CSMD3: variants seen among roughly 807,000 people sequenced by gnomAD.
CSMD3 encodes CUB and sushi domain-containing protein 3.
A neutral mutation model predicts 435.2 loss-of-function variants in CSMD3; 177 were observed. That is an observed-to-expected ratio of 0.41 (90% CI 0.36 to 0.46). The LOEUF is 0.46. Among genes scored for constraint, CSMD3 ranks in the 20% least tolerant of loss-of-function variants. The pLI, the probability that CSMD3 is intolerant of heterozygous loss-of-function variation, is 0.34. For synonymous variants in CSMD3, 1,656 were observed against 1,520.5 expected, an observed-to-expected ratio of 1.09 and a Z score of -2.07; for missense variants, 4,265 against 4,504.6, an observed-to-expected ratio of 0.95 and a Z score of 1.52.
intron 5 of CSMD3, among the ~76,000 whole-genome samples, chr8:113,075,805 T>TA (rs2089311596): frequency 6.6e-6 from 1 of 151,200 alleles, no homozygotes; most frequent in African/African-American, 2.4e-5. Flanking sequence ...TGAAAAAAAA[T>TA]TTGTAAAGTA....
chr8:113,189,716 C>A (rs982782829), intron 3 of CSMD3, among the ~76,000 whole-genome samples: 1 of 151,768 alleles, frequency 6.6e-6, no homozygotes, highest in African/African-American at 2.4e-5. Flanking sequence ...GAAATGGAAT[C>A]TTGCAAGAAA....
intron 2 of CSMD3, among the ~76,000 whole-genome samples, chr8:113,302,286 T>TAATATAATATTATATATATTATATATATA (rs1563672533): frequency 2.5e-4 from 2 of 7,942 alleles, no homozygotes; most frequent in East Asian, 0.053. Flanking sequence ...AATTATAATA[T>TAATATAATATTATATATATTATATATATA]ATAATATAAT....
At chr8:112,565,856 T>C (rs1400961069) in intron 24 of CSMD3, among the ~76,000 whole-genome samples, 1 of 152,030 alleles carries the variant, frequency 6.6e-6, no homozygotes, top group African/African-American at 2.4e-5. Context: ...GCTAAAAGAA[T>C]CTGTAATTAA....
chr8:112,477,028 T>C (rs1014874158), intron 31 of CSMD3, among the ~76,000 whole-genome samples: 1 of 152,222 alleles, frequency 6.6e-6, no homozygotes, highest in East Asian at 1.9e-4. Flanking sequence ...TAAATATCTG[T>C]TGGATTATTA....
intron 3 of CSMD3, among the ~76,000 whole-genome samples, chr8:113,177,870 A>C (rs1238116188): frequency 6.6e-6 from 1 of 151,992 alleles, no homozygotes; most frequent in Non-Finnish European, 1.5e-5. Flanking sequence ...GACTATTCTA[A>C]AGTGTAGAAG....
intron 16 of CSMD3, among the ~76,000 whole-genome samples, chr8:112,676,206 C>G (rs79776203): frequency 0.025 from 3,787 of 151,942 alleles, 79 homozygotes; most frequent in East Asian, 0.074. Flanking sequence ...CATTTCAGGG[C>G]AGAGAACCAG....
In CSMD3 at chr8:112,984,248, C is replaced by A. The variant is rs1339708874; in HGVS notation, c.1031-8100G>T. Among the ~76,000 whole-genome samples, 9 of 151,648 alleles carry A rather than the reference C, an allele frequency of 5.9e-5. No homozygotes were observed. In the South Asian group the frequency reaches 1.9e-3, roughly 32 times the overall value. ...ATGTATTTCTTATGTGATTATTATGCTAATTTCCTTTACACAAATACCTTT... is the reference window on the plus strand; with the variant it reads ...ATGTATTTCTTATGTGATTATTATGATAATTTCCTTTACACAAATACCTTT... On this transcript the variant is annotated intron_variant, in intron 6 of 70. Coordinates refer to ENST00000297405, the MANE Select transcript of CSMD3 (RefSeq NM_198123.2).
At chr8:113,046,266 C>T (rs1301632272) in intron 5 of CSMD3, among the ~76,000 whole-genome samples, 1 of 149,020 alleles carries the variant, frequency 6.7e-6, no homozygotes, top group African/African-American at 2.4e-5. Context: ...GAACAACAGC[C>T]ACGGGGAAAG....
At chr8:113,049,556 A>G (rs1174293988) in intron 5 of CSMD3, among the ~76,000 whole-genome samples, 1 of 152,202 alleles carries the variant, frequency 6.6e-6, no homozygotes, top group Non-Finnish European at 1.5e-5. Flanking sequence ...TAGGAAACAT[A>G]AAATCACAGC....
intron 22 of CSMD3, among the ~76,000 whole-genome samples, chr8:112,630,576 T>A (rs927033535): frequency 2.6e-5 from 4 of 152,086 alleles, no homozygotes; most frequent in African/African-American, 9.7e-5. Flanking sequence ...TGAGGACCAA[T>A]GAGAGCTGGG....
chr8:112,512,081 C>A (rs149079999), intron 28 of CSMD3, among the ~76,000 whole-genome samples: 5 of 152,288 alleles, frequency 3.3e-5, no homozygotes, highest in South Asian at 4.1e-4. Context: ...GTCTTAAACA[C>A]CCCCTCATCA....
chr8:113,142,292 CA>C (rs2091567584), intron 4 of CSMD3, among the ~76,000 whole-genome samples: 1 of 151,068 alleles, frequency 6.6e-6, no homozygotes. Flanking sequence ...TATGAAAAGA[CA>C]CAGGGACTAC....
chr8:112,593,285 G>A (rs11996233), intron 22 of CSMD3, among the ~76,000 whole-genome samples: 86,890 of 151,868 alleles, frequency 0.57, 25,354 homozygotes, highest in African/African-American at 0.67. Flanking sequence ...TGTAGTCTTG[G>A]GTTACTAGAG....
At chr8:113,073,118 T>C (rs933240915) in intron 5 of CSMD3, among the ~76,000 whole-genome samples, 1 of 151,818 alleles carries the variant, frequency 6.6e-6, no homozygotes, top group African/African-American at 2.4e-5. Flanking sequence ...CCAAAGAACA[T>C]GCACATTTAT....
chr8:112,871,236 A>T (rs2081127185), intron 10 of CSMD3, among the ~76,000 whole-genome samples: 1 of 152,232 alleles, frequency 6.6e-6, no homozygotes, highest in East Asian at 1.9e-4. Flanking sequence ...GACTGTGAGA[A>T]AATGAAATGG....
intron 1 of CSMD3, among the ~76,000 whole-genome samples, chr8:113,334,984 T>C (rs2094060497): frequency 6.6e-6 from 1 of 152,140 alleles, no homozygotes; most frequent in Non-Finnish European, 1.5e-5. Flanking sequence ...ATCCCCAATG[T>C]TGGAGGTGGG....
chr8:112,860,358 T>C (rs1047020555), intron 10 of CSMD3, among the ~76,000 whole-genome samples: 2 of 151,872 alleles, frequency 1.3e-5, no homozygotes, highest in Non-Finnish European at 3.0e-5. Flanking sequence ...CTTGTGAGTG[T>C]GTGTGTATAA....
Position 112,224,822 on chromosome 8 carries a change from C to T in CSMD3, c.11073G>A (p.Gly3691=), listed in dbSNP as rs2129760330. The change falls in exon 71 of 71, where the codon GGG becomes GGA. Residue 3691 remains glycine, a synonymous_variant. Transcript: ENST00000297405. The part of the protein sequence containing the change: ...MYDTNAKSVE[G]KAVRFDPNLN... ...AGTTGGGATCAAATCGTACCGCCTTCCCTTCCACTGACTTTGCGTTGGTGT... is the reference window on the plus strand; with the variant it reads ...AGTTGGGATCAAATCGTACCGCCTTTCCTTCCACTGACTTTGCGTTGGTGT... 2 of 1,614,084 alleles carry T rather than the reference C, an allele frequency of 1.2e-6. No homozygotes were observed. The highest frequency in any genetic ancestry group is 2.2e-5 in the East Asian group (1 of 44,874).
chr8:112,909,822 C>T (rs1273231275), intron 10 of CSMD3, among the ~76,000 whole-genome samples: 1 of 151,704 alleles, frequency 6.6e-6, no homozygotes, highest in Non-Finnish European at 1.5e-5. Context: ...AAAATGAGTT[C>T]ATCTTTGAAA....
Sources: allele counts gnomAD v4.1 joint callset (sites outside exome capture counted in the v4.1 genomes callset), GRCh38; gene constraint gnomAD v4.1.1; transcripts MANE v1.5; gene names NCBI Gene and HGNC (gene_info 2026-07-23, HGNC 2026-07-21).